Variants in CDYL2 observed in about 807,000 individuals in gnomAD.
CDYL2 encodes the protein chromodomain Y-like protein 2.
Under a neutral mutation model 49.4 loss-of-function variants are expected in CDYL2, and 23 were observed. The observed-to-expected ratio is 0.47, with a 90% CI of 0.34 to 0.66. The LOEUF (loss-of-function observed/expected upper bound fraction) is 0.66. Ranked by LOEUF, CDYL2 falls within the 30% of genes least tolerant of loss-of-function variation. The pLI is 0.01. For synonymous variants in CDYL2, 360 were observed against 268.8 expected (o/e 1.34, Z -3.32); for missense variants, 678 against 656.4 (o/e 1.03, Z -0.36).
chr16:80,655,731 T>G (rs137868076), intron 2 of CDYL2, among the ~76,000 whole-genome samples: 2 of 152,126 alleles, frequency 1.3e-5, no homozygotes, highest in African/African-American at 2.4e-5. Flanking sequence ...AGAGCCTCCT[T>G]GAGTACTGGA....
chr16:80,626,648 G>T (rs974440067), intron 3 of CDYL2, among the ~76,000 whole-genome samples: 4 of 152,338 alleles, frequency 2.6e-5, no homozygotes, highest in Non-Finnish European at 4.4e-5. Context: ...AACAAGGCAT[G>T]GCGTGTGCCT....
intron 1 of CDYL2, among the ~76,000 whole-genome samples, chr16:80,711,555 A>C (rs763140319): frequency 3.3e-5 from 5 of 152,166 alleles, no homozygotes; most frequent in Non-Finnish European, 7.3e-5. Context: ...AAGAGAGCTC[A>C]AGGTTTGGAT....
Position 80,612,528 on chromosome 16 carries a change from C to G in CDYL2, c.1218+98G>C. The G allele has an allele frequency of 8.0e-7, 1 of 1,248,906 alleles. No homozygotes were observed. Among genetic ancestry groups the G allele is most frequent in the South Asian group, 1.5e-5 (1 of 68,134 alleles). The allele number at this position is 1,248,906 out of a possible 1,614,324, so 77.4% of individuals were successfully genotyped here. A position where few individuals can be genotyped will look rare whatever the true frequency, so the allele number is the denominator to read the frequency against. On this transcript the variant is annotated intron_variant, in intron 5 of 6. Transcript: ENST00000570137. The surrounding 1 kb of genome is among the most constrained non-coding windows in gnomAD (Gnocchi z 5.0). ...GCAGCCAAGCCAATCTGCAGGCTGA[C>G]AACACCCTCAGGTTTCTAGCCCCAT...
At chr16:80,647,488 GAT>G (rs1487031129) in intron 2 of CDYL2, among the ~76,000 whole-genome samples, 1 of 152,044 alleles carries the variant, frequency 6.6e-6, no homozygotes, top group African/African-American at 2.4e-5. Context: ...TCAGCAAGAA[GAT>G]ATAAAATTTT....
chr16:80,750,397 C>A (rs867773466), intron 1 of CDYL2, among the ~76,000 whole-genome samples: 85 of 113,304 alleles, frequency 7.5e-4, no homozygotes, highest in African/African-American at 1.5e-3. Context: ...AGACTGGATC[C>A]AAAAAAAAAA....
intron 2 of CDYL2, among the ~76,000 whole-genome samples, chr16:80,675,778 G>A (rs116792724): frequency 0.022 from 3,286 of 151,666 alleles, 47 homozygotes; most frequent in African/African-American, 0.038. Context: ...TTGTTTTGGA[G>A]CCCTCTACAG....
chr16:80,642,975 A>G (rs767948261), intron 2 of CDYL2, among the ~76,000 whole-genome samples: 4 of 152,160 alleles, frequency 2.6e-5, no homozygotes, highest in Non-Finnish European at 4.4e-5. Context: ...ACAGGCCCCC[A>G]AAGTTTTAAC....
chr16:80,780,556 C>A (rs1403254793), intron 1 of CDYL2, among the ~76,000 whole-genome samples: 41 of 151,846 alleles, frequency 2.7e-4, no homozygotes, highest in Admixed American at 2.7e-3. Flanking sequence ...AGGCACCTGC[C>A]ACCATGCCTG....
chr16:80,762,018 T>A (rs1183864576), intron 1 of CDYL2, among the ~76,000 whole-genome samples: 3 of 151,342 alleles, frequency 2.0e-5, no homozygotes, highest in African/African-American at 7.3e-5. Context: ...AAACCCCATC[T>A]CTACAAAAAA....
At chr16:80,638,608 T>C (rs1597140860) in intron 2 of CDYL2, among the ~76,000 whole-genome samples, 1 of 151,252 alleles carries the variant, frequency 6.6e-6, no homozygotes, top group African/African-American at 2.5e-5. Flanking sequence ...CAGCGTGGTG[T>C]TGCTGAAAGA....
At position 80,661,809 on chromosome 16, in the gene CDYL2, C is replaced by A. The variant is rs910961823; in HGVS notation, c.616+22729G>T. On this transcript the variant is annotated intron_variant, in intron 2 of 6. Transcript: ENST00000570137. ...TCACTATGTTATCATCATCCATACACCTGCTTGAAGACCCTACCAGACTGT... is the reference window on the plus strand; with the variant it reads ...TCACTATGTTATCATCATCCATACAACTGCTTGAAGACCCTACCAGACTGT... 4.6e-5 allele frequency among the ~76,000 whole-genome samples: 7 copies of A among 152,168 alleles called. No homozygotes were observed. The South Asian group carries it at 1.5e-3, about 32-fold the overall frequency.
At chr16:80,750,662 GA>G (rs141449859) in intron 1 of CDYL2, among the ~76,000 whole-genome samples, 41,684 of 152,074 alleles carry the variant, frequency 0.27, 6,884 homozygotes, top group Middle Eastern at 0.48. Context: ...TCAGAAATTA[GA>G]AAAAGTTGCC....
At chr16:80,626,100 G>C (rs1450155199) in intron 3 of CDYL2, among the ~76,000 whole-genome samples, 1 of 151,212 alleles carries the variant, frequency 6.6e-6, no homozygotes, top group Admixed American at 6.6e-5. Context: ...GGCCAGCCTG[G>C]GCAACATGAT....
chr16:80,742,195 C>T (rs1905761330), intron 1 of CDYL2: 1 of 152,172 alleles, frequency 6.6e-6, no homozygotes, highest in Non-Finnish European at 1.5e-5. Flanking sequence ...CCTACCTAGC[C>T]CAGACTCTTA....
At chr16:80,768,885 C>G (rs1441033146) in intron 1 of CDYL2, among the ~76,000 whole-genome samples, 1 of 152,172 alleles carries the variant, frequency 6.6e-6, no homozygotes, top group East Asian at 1.9e-4. Context: ...AGATAAAACA[C>G]TTAGAAAATG....
intron 1 of CDYL2, among the ~76,000 whole-genome samples, chr16:80,801,663 C>G (rs897824637): frequency 6.6e-6 from 1 of 152,210 alleles, no homozygotes; most frequent in African/African-American, 2.4e-5. Flanking sequence ...AAACAGGTCT[C>G]ATAATTTAGA....
chr16:80,784,122 A>G (rs1457963329), intron 1 of CDYL2, among the ~76,000 whole-genome samples: 1 of 152,190 alleles, frequency 6.6e-6, no homozygotes, highest in Non-Finnish European at 1.5e-5. Context: ...ATTCTAATAC[A>G]ACCATTAATA....
chr16:80,671,900 T>C (rs1909525682), intron 2 of CDYL2, among the ~76,000 whole-genome samples: 1 of 152,220 alleles, frequency 6.6e-6, no homozygotes, highest in Admixed American at 6.5e-5. Context: ...AAACCAAAGA[T>C]GTTTAGACCT....
At position 80,712,948 on chromosome 16, in the gene CDYL2, G is replaced by A. The variant is rs185933034; in HGVS notation, c.25-27819C>T. On this transcript the variant is annotated intron_variant, in intron 1 of 6. Coordinates refer to ENST00000570137, the MANE Select transcript of CDYL2 (RefSeq NM_152342.4). ...ACTTCCTGCTAGTACCCAACAGAAGGGACAAGAGGAAGGAGGAGAGGCACA... is the reference window on the plus strand; with the variant it reads ...ACTTCCTGCTAGTACCCAACAGAAGAGACAAGAGGAAGGAGGAGAGGCACA... Among the ~76,000 whole-genome samples the A allele has an allele frequency of 3.9e-5, 6 of 152,208 alleles. No individual in the cohort carries two copies. In the East Asian group the frequency reaches 1.2e-3, roughly 29 times the overall value.
Sources: gnomAD v4.1 joint callset for allele counts (sites outside exome capture counted in the v4.1 genomes callset) on GRCh38, gnomAD v4.1.1 for gene constraint, Gnocchi (gnomAD v3.1) non-coding constraint, MANE v1.5 for transcripts, NCBI Gene and HGNC (gene_info 2026-07-23, HGNC 2026-07-21) for gene names.